The following ATP10A variants were observed in gnomAD, a reference collection of about 807,000 sequenced individuals.
ATP10A encodes the protein ATPase phospholipid transporting 10A (putative), also known as phospholipid-transporting ATPase VA.
A neutral mutation model predicts 147.8 loss-of-function variants in ATP10A; 111 were observed. The ratio of observed to expected loss-of-function variants is 0.75; its 90% CI spans 0.64 to 0.88. The LOEUF (loss-of-function observed/expected upper bound fraction) is 0.88, where lower values mean the gene tolerates loss of function less well. ATP10A is among the 40% of genes least tolerant of loss of function. The pLI, the probability that ATP10A is intolerant of heterozygous loss-of-function variation, is 0.00. For synonymous variants in ATP10A, 875 were observed against 841.6 expected (o/e 1.04, Z -0.69); for missense variants, 1,927 against 1,959.0 (o/e 0.98, Z 0.31).
intron 1 of ATP10A, among the ~76,000 whole-genome samples, chr15:25,818,029 T>C (rs1891737879): frequency 6.6e-6 from 1 of 152,114 alleles, no homozygotes; most frequent in South Asian, 2.1e-4. Context: ...AACATTGCTG[T>C]CACTATACAA....
chr15:25,732,946 C>T (rs1192233404), intron 3 of ATP10A, among the ~76,000 whole-genome samples: 2 of 152,088 alleles, frequency 1.3e-5, no homozygotes, highest in Non-Finnish European at 2.9e-5. Context: ...TCGATGATAC[C>T]TCCAGGATTA....
intron 1 of ATP10A, among the ~76,000 whole-genome samples, chr15:25,847,571 T>C (rs1893078739): frequency 6.8e-6 from 1 of 148,116 alleles, no homozygotes; most frequent in Non-Finnish European, 1.5e-5. Flanking sequence ...AATTTGGAGC[T>C]ATTCCATATA....
chr15:25,749,329 G>C (rs1888025612), intron 2 of ATP10A, among the ~76,000 whole-genome samples: 1 of 152,108 alleles, frequency 6.6e-6, no homozygotes, highest in Admixed American at 6.6e-5. Context: ...ATTAAAGATG[G>C]TGCAAATAAG....
At chr15:25,768,683 A>AT (rs143608940) in intron 2 of ATP10A, among the ~76,000 whole-genome samples, 21,699 of 88,684 alleles carry the variant, frequency 0.24, 2,114 homozygotes, top group Non-Finnish European at 0.26. Context: ...AGCTGGGCTA[A>AT]TTTTTTTTTT....
chr15:25,773,585 G>GAGC (rs897985864), intron 2 of ATP10A, among the ~76,000 whole-genome samples: 21 of 152,094 alleles, frequency 1.4e-4, no homozygotes, highest in African/African-American at 4.8e-4. Context: ...TTCCCCTAGG[G>GAGC]AGCACTCTCT....
intron 2 of ATP10A, among the ~76,000 whole-genome samples, chr15:25,763,923 G>C (rs765030847): frequency 1.3e-5 from 2 of 152,180 alleles, no homozygotes; most frequent in Non-Finnish European, 2.9e-5. Flanking sequence ...TGCTTGATTA[G>C]TGAAGTATGA....
chr15:25,862,693 C>A lies in ATP10A; in HGVS notation c.404G>T (p.Arg135Leu), dbSNP rs542839934. The A allele has an allele frequency of 5.6e-6, 9 of 1,606,116 alleles. No individual in the cohort carries two copies. In the East Asian group the frequency reaches 2.0e-4, roughly 36 times the overall value. Residue 135 changes from arginine to leucine, a missense_variant, in exon 1 of 21, where the codon CGC becomes CTC. Coordinates refer to ENST00000555815, the MANE Select transcript of ATP10A (RefSeq NM_024490.4). ...RDLWEDYSRH[R>L]SDHKINHLGC... ...CAGGTGGTTGATCTTGTGGTCGGAG[C>A]GGTGGCGGCTGTAGTCCTCCCACAG...
chr15:25,758,651 TC>T (rs1472871305), intron 2 of ATP10A, among the ~76,000 whole-genome samples: 1 of 108,804 alleles, frequency 9.2e-6, no homozygotes, highest in Non-Finnish European at 1.8e-5. Context: ...CCTAACTCAT[TC>T]CGACCACCTG....
At chr15:25,832,981 CT>C (rs202037774) in intron 1 of ATP10A, among the ~76,000 whole-genome samples, 4,329 of 124,098 alleles carry the variant, frequency 0.035, 38 homozygotes, top group Non-Finnish European at 0.047. Context: ...CTATTTTATT[CT>C]TTTTTTTTTT....
chr15:25,798,286 T>A (rs1305299987), intron 1 of ATP10A, among the ~76,000 whole-genome samples: 1 of 152,126 alleles, frequency 6.6e-6, no homozygotes, highest in Non-Finnish European at 1.5e-5. Flanking sequence ...AGTGTGCGCT[T>A]CATGCTATAA....
At chr15:25,745,814 TTAA>T in intron 2 of ATP10A, among the ~76,000 whole-genome samples, 1 of 152,284 alleles carries the variant, frequency 6.6e-6, no homozygotes, top group South Asian at 2.1e-4. Context: ...TACAAATCAA[TTAA>T]TGTTTAATAC....
intron 2 of ATP10A, among the ~76,000 whole-genome samples, chr15:25,746,282 TA>T (rs1887840766): frequency 6.6e-6 from 1 of 152,130 alleles, no homozygotes; most frequent in African/African-American, 2.4e-5. Context: ...TAATTTGAAT[TA>T]AAAAGTTCAA....
chr15:25,723,257 A>T (rs149126325), intron 6 of ATP10A, among the ~76,000 whole-genome samples: 2,170 of 152,082 alleles, frequency 0.014, 31 homozygotes, highest in Middle Eastern at 0.041. Context: ...CTGAGGCAAG[A>T]TAATTGCTTG....
chr15:25,708,075 A>G lies in ATP10A; in HGVS notation c.2476T>C (p.Trp826Arg). Residue 826 changes from tryptophan (W) to arginine (R), a missense_variant, in exon 12 of 21, where the codon TGG (tryptophan) becomes CGG (arginine). Physicochemically the swap from Trp to Arg is moderately radical, Grantham distance 101. Coordinates refer to ENST00000555815, the MANE Select transcript of ATP10A (RefSeq NM_024490.4). ...RVLSKEEYAC[W>R]LQSHLEAESS... ...TCGGCTTCTAGGTGGCTTTGCAACC[A>G]GCAGGCATACTCTTCTTTACTCAGA... 6.2e-7 allele frequency: 1 copy of G among 1,614,178 alleles called. No individual in the cohort carries two copies. The highest frequency in any genetic ancestry group is 8.5e-7 in the Non-Finnish European group (1 of 1,180,052).
At chr15:25,768,590 C>T (rs1268326529) in intron 2 of ATP10A, among the ~76,000 whole-genome samples, 2 of 147,886 alleles carry the variant, frequency 1.4e-5, no homozygotes, top group Admixed American at 1.4e-4. Context: ...GTCATTCAGG[C>T]TGGGGTGCAA....
chr15:25,770,957 C>T (rs986645022), intron 2 of ATP10A, among the ~76,000 whole-genome samples: 1 of 152,256 alleles, frequency 6.6e-6, no homozygotes, highest in East Asian at 1.9e-4. Context: ...GGATTGAGGC[C>T]CTGAATTTTG....
chr15:25,712,715 T>C (rs1373937739), intron 10 of ATP10A, among the ~76,000 whole-genome samples: 2 of 152,164 alleles, frequency 1.3e-5, no homozygotes, highest in African/African-American at 4.8e-5. Flanking sequence ...AAAGGGAAGA[T>C]CTCGCCCCGC....
chr15:25,841,915 T>C (rs554576386), intron 1 of ATP10A, among the ~76,000 whole-genome samples: 2 of 152,364 alleles, frequency 1.3e-5, no homozygotes, highest in South Asian at 2.1e-4. Flanking sequence ...TATCCTGTCA[T>C]TGTAATGAGC....
chr15:25,858,023 G>A (rs1219803763), intron 1 of ATP10A, among the ~76,000 whole-genome samples: 1 of 152,148 alleles, frequency 6.6e-6, no homozygotes, highest in African/African-American at 2.4e-5. Flanking sequence ...GACAACCAAG[G>A]TTTTAGGAAA....
Sources: gnomAD v4.1 joint callset for allele counts (sites outside exome capture counted in the v4.1 genomes callset) on GRCh38, gnomAD v4.1.1 for gene constraint, MANE v1.5 for transcripts, NCBI Gene and HGNC (gene_info 2026-07-23, HGNC 2026-07-21) for gene names.